The following KAZN variants were observed in gnomAD, a reference collection of about 807,000 sequenced individuals.
The protein encoded by KAZN is kazrin.
A neutral mutation model predicts 87.4 loss-of-function variants in KAZN; 40 were observed. The observed-to-expected ratio is 0.46, with a 90% CI of 0.36 to 0.60. KAZN has a LOEUF of 0.60. Among genes scored for constraint, KAZN ranks in the 20% least tolerant of loss-of-function variants. The probability of loss-of-function intolerance (pLI) is 0.00; values close to 1 mark genes in which losing one functional copy is unlikely to be tolerated. For synonymous variants in KAZN, 466 were observed against 458.3 expected (o/e 1.02, Z -0.22); for missense variants, 898 against 1,073.9 (o/e 0.84, Z 2.29).
At chr1:14,152,564 C>G (rs1233412859) in intron 1 of KAZN, among the ~76,000 whole-genome samples, 1 of 152,156 alleles carries the variant, frequency 6.6e-6, no homozygotes, top group African/African-American at 2.4e-5. Flanking sequence ...TATATAAGTA[C>G]CAAATTTTCT....
In KAZN at chr1:14,377,207, G is replaced by A. The variant is rs139059880; in HGVS notation, c.249+196615G>A. ...ATATAGACATTACAAAATAACATGA[G>A]GGCAGGAATCAACCCACCCTTAAGG... On this transcript the variant is annotated intron_variant, in intron 2 of 16. Transcript: ENST00000636203. Among the ~76,000 whole-genome samples, 25 of 152,290 alleles carry A rather than the reference G, an allele frequency of 1.6e-4. 1 individual carries two copies. The highest frequency in any genetic ancestry group is 5.3e-4 in the African/African-American group (22 of 41,548).
At chr1:13,959,099 G>A (rs1641658089) in intron 1 of KAZN, among the ~76,000 whole-genome samples, 1 of 152,176 alleles carries the variant, frequency 6.6e-6, no homozygotes. Context: ...GATTGCAGGT[G>A]TCTCCCAAGT....
intron 1 of KAZN, among the ~76,000 whole-genome samples, chr1:13,957,956 A>G (rs548860731): frequency 1.5e-3 from 222 of 152,302 alleles, no homozygotes; most frequent in Non-Finnish European, 2.2e-3. Flanking sequence ...ACATCCAGGG[A>G]ACAGGAAACG....
At chr1:15,046,514 C>T (rs950773324) in intron 4 of KAZN, among the ~76,000 whole-genome samples, 1 of 152,120 alleles carries the variant, frequency 6.6e-6, no homozygotes, top group Non-Finnish European at 1.5e-5. Context: ...TCCAAACCCA[C>T]GTTGTTCAAG....
intron 1 of KAZN, among the ~76,000 whole-genome samples, chr1:13,939,797 G>T (rs1640864893): frequency 2.0e-5 from 3 of 152,152 alleles, no homozygotes; most frequent in South Asian, 4.1e-4. Context: ...GGAGGCCTCA[G>T]GGAGCTTTCA....
At chr1:14,484,017 A>G (rs1669220153) in intron 2 of KAZN, among the ~76,000 whole-genome samples, 1 of 152,184 alleles carries the variant, frequency 6.6e-6, no homozygotes, top group Admixed American at 6.5e-5. Flanking sequence ...TATTAAAGAG[A>G]TCGTCTTCTC....
intron 2 of KAZN, among the ~76,000 whole-genome samples, chr1:14,454,948 G>A (rs540103390): frequency 1.3e-5 from 2 of 152,296 alleles, no homozygotes; most frequent in South Asian, 2.1e-4. Context: ...TTGCAGTCAA[G>A]CTTGCAGGCA....
chr1:14,329,881 T>C (rs1201110713), intron 2 of KAZN, among the ~76,000 whole-genome samples: 1 of 152,248 alleles, frequency 6.6e-6, no homozygotes, highest in Non-Finnish European at 1.5e-5. Flanking sequence ...ACTTCTAGCA[T>C]GTTTTACAAT....
chr1:14,780,829 G>A (rs1156811470), intron 1 of KAZN, among the ~76,000 whole-genome samples: 2 of 152,200 alleles, frequency 1.3e-5, no homozygotes, highest in Non-Finnish European at 2.9e-5. Context: ...CCTGAGCTCC[G>A]CTATTGACTG....
chr1:15,094,732 C>A lies in KAZN; in HGVS notation c.1429-83C>A, dbSNP rs866957440. 3 of 969,130 alleles carry A rather than the reference C, an allele frequency of 3.1e-6. No individual in the cohort carries two copies. The highest frequency in any genetic ancestry group is 3.1e-6 in the Non-Finnish European group (2 of 642,038). The allele number at this position is 969,130 out of a possible 1,614,324, so 60.0% of individuals were successfully genotyped here. On this transcript the variant is annotated intron_variant, in intron 9 of 14. Transcript: ENST00000376030. The surrounding 1 kb of genome is among the most constrained non-coding windows in gnomAD (Gnocchi z 4.5). ...GGTGGGCAGGAGATGGGGAAGGAGCCCCATGTCAACAGACCCCCTCTAGGG... is the reference window on the plus strand; with the variant it reads ...GGTGGGCAGGAGATGGGGAAGGAGCACCATGTCAACAGACCCCCTCTAGGG...
intron 1 of KAZN, among the ~76,000 whole-genome samples, chr1:14,713,335 C>T (rs1166643708): frequency 6.6e-6 from 1 of 152,102 alleles, no homozygotes; most frequent in Admixed American, 6.5e-5. Flanking sequence ...GAACTGGGGG[C>T]CTTTTGCAAT....
intron 2 of KAZN, among the ~76,000 whole-genome samples, chr1:14,986,710 C>A (rs538653800): frequency 1.4e-4 from 21 of 152,242 alleles, no homozygotes; most frequent in South Asian, 4.2e-4. Context: ...GAAAGTGAGG[C>A]TCAATTCCAA....
chr1:15,013,360 T>A (rs1242302678), intron 2 of KAZN, among the ~76,000 whole-genome samples: 1 of 151,842 alleles, frequency 6.6e-6, no homozygotes, highest in Non-Finnish European at 1.5e-5. Context: ...AACAGGTAAA[T>A]GCAAAACAGA....
At chr1:14,346,907 C>A (rs1273618064) in intron 2 of KAZN, among the ~76,000 whole-genome samples, 1 of 152,032 alleles carries the variant, frequency 6.6e-6, no homozygotes, top group East Asian at 1.9e-4. Context: ...ACAACACAGA[C>A]AACAATATAT....
intron 8 of KAZN, among the ~76,000 whole-genome samples, chr1:15,083,782 A>T (rs1409157744): frequency 6.6e-6 from 1 of 152,094 alleles, no homozygotes; most frequent in African/African-American, 2.4e-5. Context: ...AGCCTGTGAG[A>T]GTATCTTCCC....
At chr1:14,860,167 CTCTCTCTCTCTAGA>C in intron 1 of KAZN, among the ~76,000 whole-genome samples, 1 of 151,588 alleles carries the variant, frequency 6.6e-6, no homozygotes, top group Non-Finnish European at 1.5e-5. Flanking sequence ...TCCCTCCTTT[CTCTCTCTCTCTAGA>C]TCTCTCTCTC....
chr1:13,944,022 T>C (rs1332853536), intron 1 of KAZN, among the ~76,000 whole-genome samples: 1 of 152,170 alleles, frequency 6.6e-6, no homozygotes. Context: ...CACCTCTGGC[T>C]ATCTACCCAA....
At chr1:14,931,785 G>A (rs1353441242) in intron 1 of KAZN, among the ~76,000 whole-genome samples, 1 of 152,180 alleles carries the variant, frequency 6.6e-6, no homozygotes, top group Non-Finnish European at 1.5e-5. Context: ...CCAGGCTGGA[G>A]CACAGGGACG....
At chr1:14,368,026 A>C (rs1660158120) in intron 2 of KAZN, among the ~76,000 whole-genome samples, 1 of 152,326 alleles carries the variant, frequency 6.6e-6, no homozygotes, top group South Asian at 2.1e-4. Flanking sequence ...TTTCACCCCC[A>C]AGCTAGGGTT....
Sources: allele counts gnomAD v4.1 joint callset (sites outside exome capture counted in the v4.1 genomes callset), GRCh38; gene constraint gnomAD v4.1.1; non-coding constraint Gnocchi (gnomAD v3.1); transcripts MANE v1.5; gene names NCBI Gene and HGNC (gene_info 2026-07-23, HGNC 2026-07-21).